The following ANK2 variants were observed in gnomAD, a reference collection of about 807,000 sequenced individuals.
The protein encoded by ANK2 is ankyrin-2.
Under a neutral mutation model 360.5 loss-of-function variants are expected in ANK2, and 83 were observed. The observed-to-expected ratio is 0.23, with a 90% CI of 0.19 to 0.28. The LOEUF is 0.28. Among genes scored for constraint, ANK2 ranks in the 10% least tolerant of loss-of-function variants. ANK2 has a pLI of 1.00. For synonymous variants in ANK2, 1,740 were observed against 1,759.5 expected (o/e 0.99, Z 0.28); for missense variants, 4,201 against 4,795.7 (o/e 0.88, Z 3.66).
chr4:112,965,950 AT>A (rs560503460), intron 2 of ANK2, among the ~76,000 whole-genome samples: 50 of 151,948 alleles, frequency 3.3e-4, no homozygotes, highest in Admixed American at 6.5e-4. Context: ...TTATAAAATA[AT>A]TTTTTAATAG....
rs371892336 is a variant in ANK2, at chr4:113,298,521, A to G, written c.2476-4246A>G. Among the ~76,000 whole-genome samples the G allele has an allele frequency of 3.9e-5, 6 of 152,294 alleles. No homozygotes were observed. The East Asian group carries it at 7.7e-4, about 20-fold the overall frequency. On this transcript the variant is annotated intron_variant, in intron 22 of 45. Coordinates refer to ENST00000357077, the MANE Select transcript of ANK2 (RefSeq NM_001148.6). ...TTCTTTTGCATAGAACAAATCAGAT[A>G]TTGACTACTATTTGTAAAGCAGAAT...
chr4:113,014,856 T>C (rs1258581083), intron 2 of ANK2, among the ~76,000 whole-genome samples: 1 of 128,674 alleles, frequency 7.8e-6, no homozygotes, highest in African/African-American at 2.9e-5. Context: ...AGCTTTTTTT[T>C]TTTTTTTTTT....
At chr4:113,296,059 T>C (rs1259364558) in intron 22 of ANK2, among the ~76,000 whole-genome samples, 1 of 152,078 alleles carries the variant, frequency 6.6e-6, no homozygotes, top group East Asian at 1.9e-4. Context: ...TTTAAAAATA[T>C]GTAAGGCATT....
chr4:112,979,426 C>T (rs961597990), intron 2 of ANK2, among the ~76,000 whole-genome samples: 17 of 152,206 alleles, frequency 1.1e-4, no homozygotes, highest in South Asian at 2.1e-4. Context: ...TCACAGCCCT[C>T]GCTCGGAGAG....
intron 1 of ANK2, among the ~76,000 whole-genome samples, chr4:113,137,378 A>G (rs1175170322): frequency 6.6e-6 from 1 of 152,194 alleles, no homozygotes; most frequent in Non-Finnish European, 1.5e-5. Context: ...GGTAATGTCA[A>G]ACACTTCAAG....
At chr4:112,936,580 G>A (rs1044267142) in intron 2 of ANK2, among the ~76,000 whole-genome samples, 9 of 152,072 alleles carry the variant, frequency 5.9e-5, no homozygotes, top group African/African-American at 1.9e-4. Context: ...TCCAGACCTC[G>A]TAATCTGCCT....
intron 2 of ANK2, among the ~76,000 whole-genome samples, chr4:113,008,464 G>C (rs1238229596): frequency 6.6e-6 from 1 of 152,142 alleles, no homozygotes; most frequent in Non-Finnish European, 1.5e-5. Context: ...GTGACCCCTG[G>C]TTATAAGCCA....
chr4:113,043,776 C>T (rs1442845270), intron 2 of ANK2, among the ~76,000 whole-genome samples: 8 of 152,120 alleles, frequency 5.3e-5, no homozygotes, highest in African/African-American at 1.9e-4. Flanking sequence ...AGAAGGGAGA[C>T]TACCATGGTC....
chr4:112,742,326 T>C, the ANK2 span, among the ~76,000 whole-genome samples: 1 of 152,084 alleles, frequency 6.6e-6, no homozygotes, highest in African/African-American at 2.4e-5. Context: ...CTACACAGAC[T>C]TGGGGAAGGC....
At chr4:113,143,508 AAC>A (rs2096720099) in intron 1 of ANK2, among the ~76,000 whole-genome samples, 2 of 152,342 alleles carry the variant, frequency 1.3e-5, no homozygotes, top group South Asian at 4.1e-4. Flanking sequence ...TAAGGTTTAC[AAC>A]CAGTGTTTTA....
chr4:112,926,771 A>G (rs917928209), intron 2 of ANK2, among the ~76,000 whole-genome samples: 27 of 152,240 alleles, frequency 1.8e-4, no homozygotes, highest in African/African-American at 6.3e-4. Flanking sequence ...TTTTACTGCC[A>G]TGTAAGATAC....
intron 1 of ANK2, among the ~76,000 whole-genome samples, chr4:113,081,128 TG>T (rs1390041236): frequency 3.9e-5 from 6 of 152,214 alleles, no homozygotes; most frequent in Non-Finnish European, 5.9e-5. Flanking sequence ...TTTGGTTTCT[TG>T]AAAAAATGTA....
At chr4:113,365,755 A>G (rs1227412489) in intron 41 of ANK2, among the ~76,000 whole-genome samples, 1 of 150,242 alleles carries the variant, frequency 6.7e-6, no homozygotes, top group Non-Finnish European at 1.5e-5. Flanking sequence ...TTCTTTATTT[A>G]TACCCAGCTG....
chr4:113,206,478 GT>G (rs970560968), intron 4 of ANK2, among the ~76,000 whole-genome samples: 1 of 150,964 alleles, frequency 6.6e-6, no homozygotes, highest in Non-Finnish European at 1.5e-5. Flanking sequence ...TAAGGGTCTT[GT>G]TTTTTTTTCC....
chr4:112,888,152 T>C (rs1481614640), intron 1 of ANK2, among the ~76,000 whole-genome samples: 2 of 152,190 alleles, frequency 1.3e-5, no homozygotes, highest in Non-Finnish European at 2.9e-5. Context: ...TTGCTATTTA[T>C]ATATATCATA....
At chr4:112,914,253 T>G (rs1246489993) in intron 2 of ANK2, among the ~76,000 whole-genome samples, 1 of 152,206 alleles carries the variant, frequency 6.6e-6, no homozygotes, top group Non-Finnish European at 1.5e-5. Context: ...AACCCATTTG[T>G]GTTACTGTTA....
At chr4:113,061,900 A>G (rs1451219566) in intron 1 of ANK2, among the ~76,000 whole-genome samples, 1 of 152,130 alleles carries the variant, frequency 6.6e-6, no homozygotes, top group Non-Finnish European at 1.5e-5. Flanking sequence ...GAAGTGATAG[A>G]TACCCTGTTT....
intron 14 of ANK2, among the ~76,000 whole-genome samples, chr4:113,265,660 A>G (rs956744756): frequency 6.6e-6 from 1 of 151,982 alleles, no homozygotes; most frequent in Non-Finnish European, 1.5e-5. Context: ...TTACTTTCCA[A>G]TTTATTTTCT....
chr4:112,765,068 G>C, the ANK2 span, among the ~76,000 whole-genome samples: 1 of 152,168 alleles, frequency 6.6e-6, no homozygotes, highest in Non-Finnish European at 1.5e-5. Flanking sequence ...AATGTATGAA[G>C]TAATTGTTAT....
Sources: allele counts gnomAD v4.1 joint callset (sites outside exome capture counted in the v4.1 genomes callset), GRCh38; gene constraint gnomAD v4.1.1; transcripts MANE v1.5; gene names NCBI Gene and HGNC (gene_info 2026-07-23, HGNC 2026-07-21).